Variants in TAFA1 observed in about 807,000 individuals in gnomAD.
The protein encoded by TAFA1 is chemokine-like protein TAFA-1.
Under a neutral mutation model 18.5 loss-of-function variants are expected in TAFA1, and 4 were observed. The observed-to-expected ratio is 0.22, with a 90% confidence interval of 0.11 to 0.49. The LOEUF is 0.49. TAFA1 is among the 20% of genes least tolerant of loss of function. The probability of loss-of-function intolerance (pLI) is 0.98; values close to 1 mark genes in which losing one functional copy is unlikely to be tolerated. For synonymous variants in TAFA1, 56 were observed against 55.2 expected (o/e 1.01, Z -0.06); for missense variants, 147 against 169.0 (o/e 0.87, Z 0.72).
chr3:68,265,717 C>G (rs1181000957), intron 2 of TAFA1, among the ~76,000 whole-genome samples: 1 of 152,120 alleles, frequency 6.6e-6, no homozygotes, highest in Non-Finnish European at 1.5e-5. Flanking sequence ...AGAACTGGCG[C>G]AAGATACTCA....
intron 2 of TAFA1, among the ~76,000 whole-genome samples, chr3:68,042,713 G>A (rs186936933): frequency 6.6e-6 from 1 of 152,146 alleles, no homozygotes; most frequent in Non-Finnish European, 1.5e-5. Context: ...GCTGTGCATA[G>A]TCTATGTGTT....
At chr3:68,341,577 G>T (rs1009748938) in intron 2 of TAFA1, among the ~76,000 whole-genome samples, 2 of 151,604 alleles carry the variant, frequency 1.3e-5, no homozygotes, top group Admixed American at 6.5e-5. Flanking sequence ...AGGAAAGAAG[G>T]GTGTTTTTTT....
chr3:68,533,799 G>A (rs1250207524), intron 3 of TAFA1, among the ~76,000 whole-genome samples: 1 of 152,058 alleles, frequency 6.6e-6, no homozygotes, highest in Non-Finnish European at 1.5e-5. Context: ...TATCTGTTTA[G>A]AAACAAAGGA....
chr3:68,085,812 C>T (rs2064964224), intron 2 of TAFA1, among the ~76,000 whole-genome samples: 1 of 152,104 alleles, frequency 6.6e-6, no homozygotes, highest in African/African-American at 2.4e-5. Context: ...TCAAAGTATA[C>T]TCCCTTAGTA....
chr3:68,460,311 G>T (rs1039146752), intron 3 of TAFA1, among the ~76,000 whole-genome samples: 2 of 152,144 alleles, frequency 1.3e-5, no homozygotes, highest in South Asian at 4.1e-4. Context: ...AGGTCCTCTC[G>T]TCTTACCTCA....
chr3:68,476,952 A>G (rs116810893), intron 3 of TAFA1, among the ~76,000 whole-genome samples: 1,973 of 152,318 alleles, frequency 0.013, 22 homozygotes, highest in Non-Finnish European at 0.02. Flanking sequence ...CACAAGGTAA[A>G]TACACCCATG....
chr3:68,250,695 G>C (rs372289497), intron 2 of TAFA1: 26 of 151,458 alleles, frequency 1.7e-4, no homozygotes, highest in Middle Eastern at 3.5e-3. Context: ...AAAATTACTT[G>C]AGCGGGGATT....
At chr3:68,388,650 C>CT (rs2070159542) in intron 2 of TAFA1, among the ~76,000 whole-genome samples, 1 of 152,114 alleles carries the variant, frequency 6.6e-6, no homozygotes, top group African/African-American at 2.4e-5. Context: ...CTAACAGGAT[C>CT]TTTGTTTTGT....
intron 2 of TAFA1, among the ~76,000 whole-genome samples, chr3:68,379,247 C>G (rs1434847401): frequency 6.6e-6 from 1 of 152,032 alleles, no homozygotes; most frequent in African/African-American, 2.4e-5. Context: ...TTTCCCTTTC[C>G]CTAATGATCA....
chr3:68,167,585 AAC>A lies in TAFA1; in HGVS notation c.118+160843_118+160844del, dbSNP rs1491086672. On this transcript the variant is annotated intron_variant, in intron 2 of 4. Transcript: ENST00000478136. Reference sequence around the variant, plus strand: ...GAGCAAGACTCCGTCTCAAAAAAAAAACAAAAAAAACAGAAGAAGAAAAAAGT... The same window carrying A: ...GAGCAAGACTCCGTCTCAAAAAAAAAAAAAAAAACAGAAGAAGAAAAAAGT... Among the ~76,000 whole-genome samples the A allele has an allele frequency of 1.4e-3, 196 of 142,090 alleles. 21 individuals carry two copies. In the East Asian group the frequency reaches 0.016, roughly 12 times the overall value. The allele number at this position is 142,090 out of a possible 152,430, so 93.2% of individuals were successfully genotyped here. A position where few individuals can be genotyped will look rare whatever the true frequency, so the allele number is the denominator to read the frequency against.
intron 3 of TAFA1, among the ~76,000 whole-genome samples, chr3:68,471,957 G>T (rs2072004174): frequency 6.6e-6 from 1 of 152,142 alleles, no homozygotes. Flanking sequence ...GAAGCGACTT[G>T]CCTACTCTCA....
intron 2 of TAFA1, among the ~76,000 whole-genome samples, chr3:68,217,836 T>C (rs1262366138): frequency 6.6e-6 from 1 of 152,124 alleles, no homozygotes; most frequent in Non-Finnish European, 1.5e-5. Context: ...GCACACTTAC[T>C]ATCTCATTTA....
Position 68,148,840 on chromosome 3 carries a change from T to C in TAFA1, c.118+142096T>C, listed in dbSNP as rs373804017. On this transcript the variant is annotated intron_variant, in intron 2 of 4. Transcript: ENST00000478136. Reference sequence around the variant, plus strand: ...TTAAATTTATTCAAGTACAAGATGCTTTGTAAAAATCCAGTCCCCAATAAT... The same window carrying C: ...TTAAATTTATTCAAGTACAAGATGCCTTGTAAAAATCCAGTCCCCAATAAT... Among the ~76,000 whole-genome samples, 11 of 152,302 alleles carry C rather than the reference T, an allele frequency of 7.2e-5. 1 individual carries two copies. In the East Asian group the frequency reaches 2.1e-3, roughly 29 times the overall value.
At chr3:68,121,420 T>C (rs1440098435) in intron 2 of TAFA1, among the ~76,000 whole-genome samples, 1 of 152,162 alleles carries the variant, frequency 6.6e-6, no homozygotes, top group Non-Finnish European at 1.5e-5. Flanking sequence ...GCAGAACTCA[T>C]TATTCTGTGT....
At chr3:68,274,764 T>C (rs2067761331) in intron 2 of TAFA1, among the ~76,000 whole-genome samples, 1 of 152,204 alleles carries the variant, frequency 6.6e-6, no homozygotes, top group Admixed American at 6.5e-5. Context: ...ATGTGTATCA[T>C]TAGCCTTACT....
At chr3:68,071,725 T>C (rs530712133) in intron 2 of TAFA1, among the ~76,000 whole-genome samples, 21 of 152,308 alleles carry the variant, frequency 1.4e-4, no homozygotes, top group African/African-American at 4.8e-4. Context: ...AATTGGCTCA[T>C]GGTTCTGCAG....
chr3:68,413,866 G>A (rs2070763447), intron 2 of TAFA1, among the ~76,000 whole-genome samples: 1 of 152,046 alleles, frequency 6.6e-6, no homozygotes, highest in Non-Finnish European at 1.5e-5. Flanking sequence ...GAGCAATGAT[G>A]GAGTGAGGAG....
intron 2 of TAFA1, among the ~76,000 whole-genome samples, chr3:68,124,496 G>A (rs553963885): frequency 1.3e-5 from 2 of 152,230 alleles, no homozygotes; most frequent in Non-Finnish European, 2.9e-5. Flanking sequence ...ATAGCATTTT[G>A]TTCATTCTCA....
intron 2 of TAFA1, among the ~76,000 whole-genome samples, chr3:68,403,333 A>G (rs2070534007): frequency 6.6e-6 from 1 of 152,204 alleles, no homozygotes; most frequent in Non-Finnish European, 1.5e-5. Context: ...AACAACCTCC[A>G]AATCTCATGG....
Sources: gnomAD v4.1 joint callset for allele counts (sites outside exome capture counted in the v4.1 genomes callset) on GRCh38, gnomAD v4.1.1 for gene constraint, MANE v1.5 for transcripts, NCBI Gene and HGNC (gene_info 2026-07-23, HGNC 2026-07-21) for gene names.